The following DMXL1 variants were observed in gnomAD, a reference collection of about 807,000 sequenced individuals.
DMXL1 encodes the protein dmX-like protein 1.
In DMXL1, 99 loss-of-function variants were observed where a neutral mutation model predicts 319.2. That is an observed-to-expected ratio of 0.31 (90% CI 0.26 to 0.37). DMXL1 has a LOEUF of 0.37. Among genes scored for constraint, DMXL1 ranks in the 10% least tolerant of loss-of-function variants. DMXL1 has a pLI of 1.00. For missense variants in DMXL1, 3,745 were observed against 3,595.6 expected (o/e 1.04, Z -1.06); for synonymous variants, 1,385 against 1,235.2 (o/e 1.12, Z -2.54).
At chr5:119,173,672 A>ATGTATGTGTGTG in intron 25 of DMXL1, among the ~76,000 whole-genome samples, 1 of 110,224 alleles carries the variant, frequency 9.1e-6, no homozygotes, top group Non-Finnish European at 1.9e-5. Flanking sequence ...AGTAGGATGT[A>ATGTATGTGTGTG]TGTGTGTGTG....
At chr5:119,145,342 C>G (rs1768274431) in intron 15 of DMXL1, among the ~76,000 whole-genome samples, 1 of 151,642 alleles carries the variant, frequency 6.6e-6, no homozygotes, top group Non-Finnish European at 1.5e-5. Flanking sequence ...ATGAGAAGTA[C>G]TCCTTAGAGT....
chr5:119,244,288 T>G (rs1789334514), intron 42 of DMXL1, 71 bp from the exon 43 acceptor site: 1 of 1,272,380 alleles, frequency 7.9e-7, no homozygotes, highest in Non-Finnish European at 1.1e-6. Context: ...ATTATTTCAC[T>G]TTAGCCAAAA....
intron 38 of DMXL1, among the ~76,000 whole-genome samples, chr5:119,229,175 CAAAAA>C (rs1323344765): frequency 7.0e-6 from 1 of 141,904 alleles, no homozygotes; most frequent in Non-Finnish European, 1.5e-5. Flanking sequence ...AAAAAAAAGA[CAAAAA>C]AACAAAATCT....
rs141767560 is a variant in DMXL1, at chr5:119,149,589, G to A, written c.3762G>A (p.Ser1254=). 24 of 1,613,878 alleles carry A rather than the reference G, an allele frequency of 1.5e-5. No homozygotes were observed. In the South Asian group the frequency reaches 1.5e-4, roughly 10 times the overall value. The change falls in exon 18 of 44, where the codon TCG becomes TCA. Residue 1254 remains serine (S), a synonymous_variant. Coordinates refer to ENST00000539542, the MANE Select transcript of DMXL1 (RefSeq NM_001290321.3). ...AACAAGAACCTGTTATAACAGATTC[G>A]TACAGTGGGAGCACTCCATCTATAA... ...SSKQEPVITD[S]YSGSTPSITS...
chr5:119,219,711 G>A (rs929059132), intron 35 of DMXL1, among the ~76,000 whole-genome samples: 2 of 152,012 alleles, frequency 1.3e-5, no homozygotes, highest in African/African-American at 2.4e-5. Flanking sequence ...GGGACTGCAG[G>A]TGCATGCCAC....
In DMXL1 at chr5:119,165,281, G is replaced by A; in HGVS notation, c.4970+1G>A. The A allele has an allele frequency of 1.5e-6, 2 of 1,364,206 alleles. No homozygotes were observed. The highest frequency in any genetic ancestry group is 1.0e-6 in the Non-Finnish European group (1 of 994,518). 84.5% of individuals were successfully genotyped at this position (1,364,206 alleles called of 1,614,324 possible). Reference sequence around the variant, plus strand: ...AAGCTGTGATTTGGGGATTATATAGGTAGGTAAAAAAAAAAAAAAAAAAGG... The same window carrying A: ...AAGCTGTGATTTGGGGATTATATAGATAGGTAAAAAAAAAAAAAAAAAAGG... On this transcript the variant is annotated splice_donor_variant, in intron 21 of 43. Coordinates refer to ENST00000539542, the MANE Select transcript of DMXL1 (RefSeq NM_001290321.3). LOFTEE classifies it high-confidence loss of function.
At chr5:119,107,597 ATCT>A (rs1359665110) in intron 4 of DMXL1, among the ~76,000 whole-genome samples, 5 of 152,210 alleles carry the variant, frequency 3.3e-5, no homozygotes, top group Admixed American at 2.0e-4. Flanking sequence ...ACCATATTAT[ATCT>A]TACCTACTTT....
At chr5:119,092,889 C>T (rs1364964399) in intron 1 of DMXL1, among the ~76,000 whole-genome samples, 1 of 152,132 alleles carries the variant, frequency 6.6e-6, no homozygotes, top group Admixed American at 6.6e-5. Context: ...TTTTGTTTAG[C>T]CATTGACAGT....
chr5:119,147,522 C>T (rs1216244573), intron 17 of DMXL1, 52 bp downstream of exon 17: 2 of 1,287,838 alleles, frequency 1.6e-6, no homozygotes, highest in Non-Finnish European at 1.1e-6. Context: ...GAGTATTTAC[C>T]AGGTATTTAA....
chr5:119,196,554 A>T (rs73244805), intron 31 of DMXL1, 98 bp downstream of exon 31: 5 of 795,716 alleles, frequency 6.3e-6, no homozygotes, highest in Non-Finnish European at 1.0e-5. Flanking sequence ...TGGGGGGAAA[A>T]TTTAGTGATT....
chr5:119,180,848 C>T (rs1219392094), intron 28 of DMXL1, among the ~76,000 whole-genome samples: 4 of 151,958 alleles, frequency 2.6e-5, no homozygotes, highest in Non-Finnish European at 5.9e-5. Flanking sequence ...TTAATATGTT[C>T]TGAGAAAAAT....
chr5:119,159,196 A>G (rs1771730397), intron 19 of DMXL1, among the ~76,000 whole-genome samples: 1 of 151,812 alleles, frequency 6.6e-6, no homozygotes, highest in Non-Finnish European at 1.5e-5. Context: ...GCAGTGGTGC[A>G]ATCTCGGCTC....
chr5:119,129,499 C>A, intron 10 of DMXL1, 76 bp downstream of exon 10: 1 of 1,023,470 alleles, frequency 9.8e-7, no homozygotes. Flanking sequence ...GTAAAACTAG[C>A]TACTTGTAAT....
At chr5:119,209,638 A>C (rs1454557765) in intron 34 of DMXL1, among the ~76,000 whole-genome samples, 2 of 152,142 alleles carry the variant, frequency 1.3e-5, no homozygotes, top group Non-Finnish European at 1.5e-5. Context: ...GTGACCCACC[A>C]TGCCCAGCCT....
intron 1 of DMXL1, among the ~76,000 whole-genome samples, chr5:119,075,241 C>CTTTTTTTTTT (rs201088042): frequency 1.6e-5 from 2 of 122,674 alleles, no homozygotes; most frequent in Admixed American, 8.5e-5. Context: ...CTTTTTTTTT[C>CTTTTTTTTTT]TTTTTTTTTT....
chr5:119,117,359 A>G (rs762603863), intron 7 of DMXL1, among the ~76,000 whole-genome samples: 1 of 152,144 alleles, frequency 6.6e-6, no homozygotes, highest in African/African-American at 2.4e-5. Context: ...ATTTTGTACT[A>G]TATGGCCATT....
intron 13 of DMXL1, among the ~76,000 whole-genome samples, chr5:119,136,614 G>T (rs530374870): frequency 6.6e-6 from 1 of 152,284 alleles, no homozygotes; most frequent in Non-Finnish European, 1.5e-5. Flanking sequence ...GGGCCCAGCT[G>T]CTCTGTGCAG....
chr5:119,140,247 C>A (rs536334615), intron 13 of DMXL1, among the ~76,000 whole-genome samples: 1 of 152,200 alleles, frequency 6.6e-6, no homozygotes, highest in Non-Finnish European at 1.5e-5. Context: ...CCAAAGCTAG[C>A]AGAAGATAAG....
In DMXL1 at chr5:119,089,999, C is replaced by CTTT. The variant is rs70982467; in HGVS notation, c.88-7944_88-7942dup. On this transcript the variant is annotated intron_variant, in intron 1 of 43. Transcript: ENST00000539542. ...TGATTATTTTATGCTTCGGGTTAGT[C>CTTT]TTTTTTTTTTTTTTTTTTTTTTTTT... 5.2e-4 allele frequency among the ~76,000 whole-genome samples: 18 copies of CTTT among 34,400 alleles called. 4 individuals carry two copies. The highest frequency in any genetic ancestry group is 8.3e-4 in the African/African-American group (8 of 9,660). 22.6% of individuals were successfully genotyped at this position (34,400 alleles called of 152,430 possible).
Sources: gnomAD v4.1 joint callset for allele counts (sites outside exome capture counted in the v4.1 genomes callset) on GRCh38, gnomAD v4.1.1 for gene constraint, MANE v1.5 for transcripts, NCBI Gene and HGNC (gene_info 2026-07-23, HGNC 2026-07-21) for gene names.